Variants in WARS2 observed in about 807,000 individuals in gnomAD.
WARS2 encodes tryptophanyl tRNA synthetase 2, mitochondrial.
Under a neutral mutation model 36.5 loss-of-function variants are expected in WARS2, and 28 were observed. The ratio of observed to expected loss-of-function variants is 0.77; its 90% CI spans 0.57 to 1.05. The LOEUF (loss-of-function observed/expected upper bound fraction) is 1.05, where lower values mean the gene tolerates loss of function less well. WARS2 is among the 50% of genes least tolerant of loss of function. The pLI, the probability that WARS2 is intolerant of heterozygous loss-of-function variation, is 0.00. For missense variants in WARS2, 435 were observed against 456.8 expected (o/e 0.95, Z 0.44); for synonymous variants, 174 against 178.4 (o/e 0.98, Z 0.20).
chr1:119,031,312 A>G lies in WARS2; in HGVS notation c.*1599T>C, dbSNP rs1321372127. ...GGGGAAAAAACAGAGGCTTGTAAGA[A>G]ATATGCTCAAAGAGGTTCTAGGACT... On this transcript the variant is annotated 3_prime_UTR_variant, in exon 6 of 6. Transcript: ENST00000235521. 5 of 152,244 alleles carry G rather than the reference A, an allele frequency of 3.3e-5. No homozygotes were observed. The highest frequency in any genetic ancestry group is 7.3e-5 in the Non-Finnish European group (5 of 68,044). The allele number at this position is 152,244 out of a possible 1,614,324, so 9.4% of individuals were successfully genotyped here.
In WARS2 at chr1:119,055,991, A is replaced by G. The variant is rs369607086; in HGVS notation, c.349-10329T>C. Among the ~76,000 whole-genome samples, 4 of 150,750 alleles carry G rather than the reference A, an allele frequency of 2.7e-5. No homozygotes were observed. The East Asian group carries it at 7.8e-4, about 29-fold the overall frequency. ...TGTGAATACATGATTCAAAGATCAG[A>G]TGAAAATTTCATACCATAACTTTTT... On this transcript the variant is annotated intron_variant, in intron 2 of 5. Coordinates refer to ENST00000235521, the MANE Select transcript of WARS2 (RefSeq NM_015836.4).
At chr1:119,057,089 G>C (rs529897285) in intron 2 of WARS2, among the ~76,000 whole-genome samples, 14 of 152,042 alleles carry the variant, frequency 9.2e-5, no homozygotes, top group African/African-American at 2.9e-4. Flanking sequence ...ATCTTACTAT[G>C]GTTTTTTTTC....
intron 1 of WARS2, among the ~76,000 whole-genome samples, chr1:119,077,001 G>A (rs946066906): frequency 2.0e-5 from 3 of 151,892 alleles, no homozygotes; most frequent in South Asian, 2.1e-4. Context: ...TCACCTGGGC[G>A]TGGTGGTACA....
intron 1 of WARS2, among the ~76,000 whole-genome samples, chr1:119,137,217 G>C (rs1159724297): frequency 6.6e-6 from 1 of 152,078 alleles, no homozygotes; most frequent in African/African-American, 2.4e-5. Flanking sequence ...GACAAAGCTT[G>C]GTGAAGGGTA....
At chr1:119,039,961 A>G (rs1049612477) in intron 4 of WARS2, among the ~76,000 whole-genome samples, 2 of 152,224 alleles carry the variant, frequency 1.3e-5, no homozygotes, top group Non-Finnish European at 2.9e-5. Flanking sequence ...TCTGGCAATG[A>G]CCTTTTTCAA....
intron 1 of WARS2, among the ~76,000 whole-genome samples, chr1:119,119,591 A>C (rs1655205041): frequency 6.6e-6 from 1 of 152,150 alleles, no homozygotes; most frequent in Non-Finnish European, 1.5e-5. Context: ...CATTCTACCC[A>C]ACAACTGCAG....
chr1:119,085,528 G>T (rs1652579533), intron 1 of WARS2: 1 of 1,606,668 alleles, frequency 6.2e-7, no homozygotes, highest in Non-Finnish European at 8.5e-7. Context: ...GACAAACTTG[G>T]TGAGGGGGTA....
intron 1 of WARS2, among the ~76,000 whole-genome samples, chr1:119,089,385 A>C (rs1213739250): frequency 6.6e-6 from 1 of 152,160 alleles, no homozygotes; most frequent in Non-Finnish European, 1.5e-5. Flanking sequence ...AAGTTCGAAG[A>C]ATGACAAAAC....
chr1:119,127,551 T>C (rs1475877402), intron 1 of WARS2, among the ~76,000 whole-genome samples: 1 of 152,186 alleles, frequency 6.6e-6, no homozygotes. Flanking sequence ...TGGAAGAACT[T>C]TGGTTTGAAT....
At chr1:119,112,237 T>C (rs1319901660) in intron 1 of WARS2, among the ~76,000 whole-genome samples, 1 of 152,148 alleles carries the variant, frequency 6.6e-6, no homozygotes, top group African/African-American at 2.4e-5. Context: ...AGCTTTTTAA[T>C]TGTTGTTAGG....
At chr1:119,091,273 T>C (rs754882279) in intron 1 of WARS2, among the ~76,000 whole-genome samples, 1 of 152,184 alleles carries the variant, frequency 6.6e-6, no homozygotes, top group Non-Finnish European at 1.5e-5. Context: ...GCTTACTAAA[T>C]GGGAAGCATT....
chr1:119,054,047 AC>A, intron 2 of WARS2, among the ~76,000 whole-genome samples: 1 of 151,806 alleles, frequency 6.6e-6, no homozygotes, highest in South Asian at 2.1e-4. Flanking sequence ...ACAGAGAGAT[AC>A]CCCCTATCAA....
rs757066630 is a variant in WARS2 at position 119,083,236 on chromosome 1, G to T, written c.91-6629C>A. On this transcript the variant is annotated intron_variant, in intron 1 of 5. Coordinates refer to ENST00000235521, the MANE Select transcript of WARS2 (RefSeq NM_015836.4). The stretch of plus-strand genomic sequence containing the variant: ...AGAGCGCTACTCCATCTCCAAAAAA[G>T]AAAAGAAAAGAAAGGAAAGATTTAG... Among the ~76,000 whole-genome samples, 112 of 151,938 alleles carry T rather than the reference G, an allele frequency of 7.4e-4. 2 individuals carry two copies. The highest frequency in any genetic ancestry group is 1.9e-4 in the Non-Finnish European group (13 of 67,980).
At chr1:119,067,048 T>C (rs1483310036) in intron 2 of WARS2, among the ~76,000 whole-genome samples, 2 of 152,208 alleles carry the variant, frequency 1.3e-5, no homozygotes, top group African/African-American at 4.8e-5. Context: ...AATGGAACAC[T>C]GTACTAGCAG....
At chr1:119,074,823 T>G (rs1050350209) in intron 2 of WARS2, among the ~76,000 whole-genome samples, 1 of 152,212 alleles carries the variant, frequency 6.6e-6, no homozygotes, top group African/African-American at 2.4e-5. Flanking sequence ...AATGAAATCA[T>G]GTCTTTTGCA....
At chr1:119,088,435 AAC>A (rs113752727) in intron 1 of WARS2, among the ~76,000 whole-genome samples, 9,917 of 149,072 alleles carry the variant, frequency 0.067, 356 homozygotes, top group Middle Eastern at 0.12. Context: ...GAAACACTGA[AAC>A]ACACACACAC....
At chr1:119,099,605 A>G (rs1307189508) in intron 1 of WARS2, among the ~76,000 whole-genome samples, 2 of 152,182 alleles carry the variant, frequency 1.3e-5, no homozygotes, top group Non-Finnish European at 2.9e-5. Flanking sequence ...TCCTAATGTC[A>G]TCTAGTTAGT....
At chr1:119,124,780 C>T (rs958464753) in intron 1 of WARS2, among the ~76,000 whole-genome samples, 17 of 152,150 alleles carry the variant, frequency 1.1e-4, no homozygotes, top group African/African-American at 2.9e-4. Flanking sequence ...CCAGTTTAAT[C>T]CCAGAAAAAG....
chr1:119,034,139 T>C lies in WARS2; in HGVS notation c.590A>G (p.Asn197Ser). Reference protein sequence around the residue: ...ELVQDLAQGFNKKYGEFFPVP... With the variant: ...ELVQDLAQGFSKKYGEFFPVP... Reference sequence around the variant, plus strand: ...TGGAAAGAACTCCCCATACTTCTTGTTGAAACCTTGTGCTAGATCCTGAAC... The same window carrying C: ...TGGAAAGAACTCCCCATACTTCTTGCTGAAACCTTGTGCTAGATCCTGAAC... The change falls in exon 5 of 6, where the codon AAC (asparagine) becomes AGC (serine). Residue 197 changes from asparagine to serine, a missense_variant. Coordinates refer to ENST00000235521, the MANE Select transcript of WARS2 (RefSeq NM_015836.4). 6.2e-7 allele frequency: 1 copy of C among 1,614,084 alleles called. No homozygotes were observed. Among genetic ancestry groups the C allele is most frequent in the South Asian group, 1.1e-5 (1 of 91,084 alleles).
Sources: allele counts gnomAD v4.1 joint callset (sites outside exome capture counted in the v4.1 genomes callset), GRCh38; gene constraint gnomAD v4.1.1; transcripts MANE v1.5; gene names NCBI Gene and HGNC (gene_info 2026-07-23, HGNC 2026-07-21).